Variants in COL4A5 observed in about 807,000 individuals in gnomAD.
COL4A5 encodes the protein collagen type IV alpha 5 chain.
COL4A5 carries 26 observed loss-of-function variants against 130.2 expected under a neutral mutation model. The observed-to-expected ratio is 0.20, with a 90% CI of 0.15 to 0.28. The LOEUF (loss-of-function observed/expected upper bound fraction) is 0.28, where lower values mean the gene tolerates loss of function less well. COL4A5 is among the 10% of genes least tolerant of loss of function. COL4A5 has a pLI of 1.00. For synonymous variants in COL4A5, 496 were observed against 439.6 expected (o/e 1.13, Z -1.60); for missense variants, 1,131 against 1,344.3 (o/e 0.84, Z 2.48).
intron 41 of COL4A5, among the ~76,000 whole-genome samples, chrX:108,669,101 GT>G (rs2068144322): frequency 8.9e-6 from 1 of 112,076 alleles, no homozygotes; most frequent in Admixed American, 9.5e-5. Context: ...TTTGTCTTGT[GT>G]TCACTGCTCT....
chrX:108,531,433 AACAT>A (rs1351222006), intron 1 of COL4A5, among the ~76,000 whole-genome samples: 1 of 110,185 alleles, frequency 9.1e-6, no homozygotes, highest in African/African-American at 3.3e-5. Flanking sequence ...ATGTAAACAC[AACAT>A]ACATATTCAG....
chrX:108,628,986 T>A (rs2067202349), intron 36 of COL4A5, among the ~76,000 whole-genome samples: 2 of 111,886 alleles, frequency 1.8e-5, no homozygotes, highest in South Asian at 7.4e-4. Flanking sequence ...AAAGCAAGAC[T>A]TGATGATAGG....
Position 108,531,390 on chromosome X carries a change from T to TA in COL4A5, c.82-8353dup, listed in dbSNP as rs1262824115. Among the ~76,000 whole-genome samples the TA allele has an allele frequency of 6.4e-3, 149 of 23,211 alleles. 1 individual carries two copies. Among genetic ancestry groups the TA allele is most frequent in the African/African-American group, 0.022 (135 of 6,059 alleles). The allele number at this position is 23,211 out of a possible 115,157, so 20.2% of individuals were successfully genotyped here. A position where few individuals can be genotyped will look rare whatever the true frequency, so the allele number is the denominator to read the frequency against. On this transcript the variant is annotated intron_variant, in intron 1 of 52. Coordinates refer to ENST00000328300, the MANE Select transcript of COL4A5 (RefSeq NM_033380.3). Reference sequence around the variant, plus strand: ...TGAAATAAATAAATAAAAAATAAAATAAATAAATAAATAAAAATTTATTGA... The same window carrying TA: ...TGAAATAAATAAATAAAAAATAAAATAAAATAAATAAATAAAAATTTATTGA...
chrX:108,571,087 G>A (rs1326832507), intron 6 of COL4A5, among the ~76,000 whole-genome samples: 1 of 111,958 alleles, frequency 8.9e-6, no homozygotes, highest in Non-Finnish European at 1.9e-5. Context: ...ACATGGGCAG[G>A]AAATGGGGCA....
intron 37 of COL4A5, among the ~76,000 whole-genome samples, chrX:108,663,381 TTTAAA>T (rs2068003388): frequency 8.9e-6 from 1 of 111,914 alleles, no homozygotes; most frequent in Non-Finnish European, 1.9e-5. Context: ...ATGTTAGACT[TTTAAA>T]TACCAAAATA....
chrX:108,473,895 G>T (rs773340038), intron 1 of COL4A5, among the ~76,000 whole-genome samples: 1 of 108,397 alleles, frequency 9.2e-6, no homozygotes, highest in East Asian at 2.8e-4. Flanking sequence ...GCCTCCCAAA[G>T]TGCTGGGATT....
In COL4A5 at chrX:108,455,976, C is replaced by T. The variant is rs145545811; in HGVS notation, c.81+15770C>T. 7.2e-3 allele frequency among the ~76,000 whole-genome samples: 807 copies of T among 111,813 alleles called. 4 individuals are homozygous for T. Among genetic ancestry groups the T allele is most frequent in the East Asian group, 0.037 (131 of 3,576 alleles). On this transcript the variant is annotated intron_variant, in intron 1 of 52. Coordinates refer to ENST00000328300, the MANE Select transcript of COL4A5 (RefSeq NM_033380.3). ...GGCTATTTATTCCATATAAATTTTA[C>T]ATTAATCTTGCCAAATTTTGCTTAA...
intron 1 of COL4A5, among the ~76,000 whole-genome samples, chrX:108,453,167 G>T (rs772654200): frequency 9.0e-6 from 1 of 111,252 alleles, no homozygotes; most frequent in South Asian, 3.8e-4. Context: ...TGCATCCCAG[G>T]GATGAAACCC....
At chrX:108,460,408 A>T (rs2064632002) in intron 1 of COL4A5, among the ~76,000 whole-genome samples, 1 of 110,568 alleles carries the variant, frequency 9.0e-6, no homozygotes, top group African/African-American at 3.3e-5. Flanking sequence ...CCCCCTAAAG[A>T]TACTTGATAA....
rs1431386295 is a variant in COL4A5 at position 108,680,945 on chromosome X, T to C, written c.4076T>C (p.Ile1359Thr). Reference protein sequence around the residue: ...SAGPEGEPGLIGPPGPPGLPG... With the variant: ...SAGPEGEPGLTGPPGPPGLPG... ...GGCCCTGAGGGGGAACCGGGACTTATTGGTCCTCCAGGTAAGACTTATTCC... is the reference window on the plus strand; with the variant it reads ...GGCCCTGAGGGGGAACCGGGACTTACTGGTCCTCCAGGTAAGACTTATTCC... Residue 1359 changes from isoleucine to threonine, a missense_variant, in exon 46 of 53, where the codon ATT (isoleucine) becomes ACT (threonine). Transcript: ENST00000328300. 8 of 1,205,086 alleles carry C rather than the reference T, an allele frequency of 6.6e-6. No homozygotes were observed. Among genetic ancestry groups the C allele is most frequent in the South Asian group, 1.8e-5 (1 of 56,677 alleles).
intron 1 of COL4A5, among the ~76,000 whole-genome samples, chrX:108,446,153 TA>T (rs1214806307): frequency 1.8e-5 from 2 of 110,154 alleles, no homozygotes; most frequent in Admixed American, 9.7e-5. Context: ...AGCTAATAAC[TA>T]AAAAAAAAGT....
At chrX:108,473,633 A>ATATATATATTTTTTTTT in intron 1 of COL4A5, among the ~76,000 whole-genome samples, 18 of 34,562 alleles carry the variant, frequency 5.2e-4, no homozygotes, top group Non-Finnish European at 6.6e-4. Flanking sequence ...ATATATATAT[A>ATATATATATTTTTTTTT]TTTTTTTTTT....
At chrX:108,547,015 C>A (rs1457798811) in intron 2 of COL4A5, among the ~76,000 whole-genome samples, 2 of 111,633 alleles carry the variant, frequency 1.8e-5, no homozygotes, top group Non-Finnish European at 1.9e-5. Context: ...TTCGTCTAAT[C>A]TTTTTTCAAG....
rs202094607 is a variant in COL4A5, at chrX:108,561,517, G to GTT, written c.232-2355_232-2354dup. Among the ~76,000 whole-genome samples, 8 of 103,600 alleles carry GTT rather than the reference G, an allele frequency of 7.7e-5. No individual in the cohort carries two copies. The South Asian group carries it at 2.9e-3, about 38-fold the overall frequency. The allele number at this position is 103,600 out of a possible 115,157, so 90.0% of individuals were successfully genotyped here. A position where few individuals can be genotyped will look rare whatever the true frequency, so the allele number is the denominator to read the frequency against. On this transcript the variant is annotated intron_variant, in intron 3 of 52. Coordinates refer to ENST00000328300, the MANE Select transcript of COL4A5 (RefSeq NM_033380.3). ...ACTTAAGACTCAGAGAATTTTCTGG[G>GTT]TTTTTTTTTTTAATGACTCTTTTGG...
intron 2 of COL4A5, among the ~76,000 whole-genome samples, chrX:108,543,228 T>G (rs2065578899): frequency 9.0e-6 from 1 of 111,461 alleles, no homozygotes. Flanking sequence ...TTCTAGGGTT[T>G]TTATGGTTTT....
intron 1 of COL4A5, among the ~76,000 whole-genome samples, chrX:108,524,489 G>A (rs1346299194): frequency 1.8e-5 from 2 of 109,355 alleles, no homozygotes; most frequent in African/African-American, 6.7e-5. Context: ...ATTTTTTATT[G>A]TTCATTTCAT....
chrX:108,635,837 C>G (rs1443325913), intron 36 of COL4A5, among the ~76,000 whole-genome samples: 4 of 112,402 alleles, frequency 3.6e-5, no homozygotes, highest in Non-Finnish European at 7.5e-5. Flanking sequence ...ATGGATGCAG[C>G]TGGAGGCTAC....
intron 49 of COL4A5, among the ~76,000 whole-genome samples, chrX:108,691,508 T>C (rs781378500): frequency 9.0e-6 from 1 of 111,113 alleles, no homozygotes; most frequent in African/African-American, 3.2e-5. Context: ...AAATTTATAA[T>C]ACATATATTT....
chrX:108,497,383 T>C (rs898559680), intron 1 of COL4A5, among the ~76,000 whole-genome samples: 1 of 111,936 alleles, frequency 8.9e-6, no homozygotes, highest in African/African-American at 3.2e-5. Context: ...GGTATATACC[T>C]AGAAGTAGAT....
Sources: gnomAD v4.1 joint callset for allele counts (sites outside exome capture counted in the v4.1 genomes callset) on GRCh38, gnomAD v4.1.1 for gene constraint, MANE v1.5 for transcripts, NCBI Gene and HGNC (gene_info 2026-07-23, HGNC 2026-07-21) for gene names.